COL24A1: variants seen among roughly 807,000 people sequenced by gnomAD.
COL24A1 encodes the protein collagen alpha-1(XXIV) chain.
In COL24A1, 224 loss-of-function variants were observed where a neutral mutation model predicts 253.9. The ratio of observed to expected loss-of-function variants is 0.88; its 90% CI spans 0.79 to 0.99. The LOEUF (loss-of-function observed/expected upper bound fraction) is 0.99, where lower values mean the gene tolerates loss of function less well. Ranked by LOEUF, COL24A1 falls within the 50% of genes least tolerant of loss-of-function variation. The pLI, the probability that COL24A1 is intolerant of heterozygous loss-of-function variation, is 0.00. For missense variants in COL24A1, 2,131 were observed against 2,068.5 expected (o/e 1.03, Z -0.59); for synonymous variants, 685 against 673.7 (o/e 1.02, Z -0.26).
intron 7 of COL24A1, among the ~76,000 whole-genome samples, chr1:86,076,214 C>A (rs1702232148): frequency 6.6e-6 from 1 of 152,082 alleles, no homozygotes; most frequent in Non-Finnish European, 1.5e-5. Context: ...TACAAAATCA[C>A]TGTGCAAAAA....
intron 1 of COL24A1, among the ~76,000 whole-genome samples, chr1:86,149,985 C>T (rs1652522064): frequency 6.6e-6 from 1 of 152,162 alleles, no homozygotes; most frequent in Non-Finnish European, 1.5e-5. Flanking sequence ...TCTTACAATG[C>T]ATTCAAGACC....
intron 31 of COL24A1, among the ~76,000 whole-genome samples, chr1:85,890,411 TC>T (rs996318223): frequency 6.0e-5 from 3 of 49,690 alleles, no homozygotes; most frequent in African/African-American, 2.8e-4. Flanking sequence ...ACACAAATTT[TC>T]TTTTTTTTTT....
At chr1:85,737,309 A>G (rs1664155892) in intron 58 of COL24A1, 87 bp downstream of exon 58, 3 of 722,762 alleles carry the variant, frequency 4.2e-6, no homozygotes, top group Admixed American at 6.5e-5. Flanking sequence ...AAAATTCATA[A>G]TTATTTAAAA....
At chr1:85,961,116 A>T in intron 24 of COL24A1, 133 bp downstream of exon 24, 1 of 687,964 alleles carries the variant, frequency 1.5e-6, no homozygotes, top group Non-Finnish European at 2.5e-6. Context: ...CATCACAAGT[A>T]AGTTTAAATT....
At chr1:85,903,678 C>T (rs1336686244) in intron 28 of COL24A1, among the ~76,000 whole-genome samples, 1 of 152,106 alleles carries the variant, frequency 6.6e-6, no homozygotes, top group Non-Finnish European at 1.5e-5. Flanking sequence ...AGCTTAGCTA[C>T]ATAAACTAAG....
chr1:86,152,908 C>T (rs1462660994), intron 1 of COL24A1, among the ~76,000 whole-genome samples: 3 of 152,140 alleles, frequency 2.0e-5, no homozygotes, highest in Non-Finnish European at 4.4e-5. Flanking sequence ...TACCTATACA[C>T]TCATCCCAAA....
At chr1:86,024,352 C>T (rs1157484494) in intron 14 of COL24A1, among the ~76,000 whole-genome samples, 1 of 151,956 alleles carries the variant, frequency 6.6e-6, no homozygotes, top group Non-Finnish European at 1.5e-5. Flanking sequence ...TTCCCAGACC[C>T]AACATAATAA....
chr1:86,078,267 A>T (rs1310448817), intron 7 of COL24A1, among the ~76,000 whole-genome samples: 1 of 152,192 alleles, frequency 6.6e-6, no homozygotes. Flanking sequence ...TTGGTAAAAA[A>T]AATACCCTCA....
chr1:86,057,554 G>A (rs994098641), intron 10 of COL24A1, among the ~76,000 whole-genome samples: 1 of 152,084 alleles, frequency 6.6e-6, no homozygotes, highest in Admixed American at 6.6e-5. Flanking sequence ...ACTCCTGACA[G>A]TTTTTGTATA....
intron 32 of COL24A1, chr1:85,883,807 T>C (rs1295686666): frequency 1.3e-5 from 2 of 152,182 alleles, no homozygotes; most frequent in Non-Finnish European, 2.9e-5. Context: ...ATCAAGTCCA[T>C]TTTCAAATAA....
In COL24A1 at chr1:86,130,477, G is replaced by C. The variant is rs1293164579; in HGVS notation, c.122-4263C>G. ...GTGTATGCCTTTTGAGATTTAGAAG[G>C]GTTTGTATTTTTATTCTAAGGGTTT... On this transcript the variant is annotated intron_variant, in intron 2 of 59. Coordinates refer to ENST00000370571, the MANE Select transcript of COL24A1 (RefSeq NM_152890.7). 5.3e-5 allele frequency among the ~76,000 whole-genome samples: 8 copies of C among 151,716 alleles called. No homozygotes were observed. The East Asian group carries it at 7.8e-4, about 15-fold the overall frequency.
chr1:85,995,109 T>A (rs892849789), intron 19 of COL24A1, among the ~76,000 whole-genome samples: 1 of 152,148 alleles, frequency 6.6e-6, no homozygotes, highest in African/African-American at 2.4e-5. Flanking sequence ...TGACAAAACA[T>A]ATATTCTGTG....
chr1:86,000,956 T>C (rs924399780), intron 19 of COL24A1, among the ~76,000 whole-genome samples: 2 of 152,230 alleles, frequency 1.3e-5, no homozygotes, highest in African/African-American at 4.8e-5. Flanking sequence ...TGCTCAAAAC[T>C]GATATGACTA....
intron 18 of COL24A1, among the ~76,000 whole-genome samples, chr1:86,021,994 A>C (rs1433897368): frequency 5.3e-5 from 8 of 152,204 alleles, no homozygotes; most frequent in Non-Finnish European, 8.8e-5. Flanking sequence ...TAAATTATTC[A>C]GTAGAATAAT....
At chr1:85,819,847 C>A (rs372730421) in intron 45 of COL24A1, among the ~76,000 whole-genome samples, 4 of 149,390 alleles carry the variant, frequency 2.7e-5, no homozygotes, top group African/African-American at 9.9e-5. Flanking sequence ...TTTCTCTTTT[C>A]CTTTTTTTTT....
chr1:85,976,570 A>C (rs536409660), intron 20 of COL24A1, among the ~76,000 whole-genome samples: 39 of 152,262 alleles, frequency 2.6e-4, no homozygotes, highest in African/African-American at 8.9e-4. Flanking sequence ...CAATCACAAA[A>C]GACATAAACT....
intron 43 of COL24A1, among the ~76,000 whole-genome samples, chr1:85,824,546 G>C (rs950837637): frequency 6.6e-6 from 1 of 152,016 alleles, no homozygotes; most frequent in Admixed American, 6.6e-5. Context: ...AGATTTACTG[G>C]GCTGAAGACT....
Position 85,800,098 on chromosome 1 carries a change from G to C in COL24A1, c.3952-13637C>G, listed in dbSNP as rs1197875167. ...TAGAGTAACTTAGGAAGAGGAGCTA[G>C]AATATGCAGGTTTTGTTGTCTAATT... On this transcript the variant is annotated intron_variant, in intron 47 of 59. Transcript: ENST00000370571. 2.0e-5 allele frequency among the ~76,000 whole-genome samples: 3 copies of C among 152,188 alleles called. No individual in the cohort carries two copies. In the East Asian group the frequency reaches 5.8e-4, roughly 29 times the overall value.
chr1:86,005,398 G>T (rs763489364), intron 19 of COL24A1, among the ~76,000 whole-genome samples: 52 of 151,606 alleles, frequency 3.4e-4, no homozygotes, highest in Non-Finnish European at 7.2e-4. Context: ...TGATCACCAT[G>T]CAATGAAACC....
Sources: gnomAD v4.1 joint callset for allele counts (sites outside exome capture counted in the v4.1 genomes callset) on GRCh38, gnomAD v4.1.1 for gene constraint, MANE v1.5 for transcripts, NCBI Gene and HGNC (gene_info 2026-07-23, HGNC 2026-07-21) for gene names.